CNTNAP2: variants seen among roughly 807,000 people sequenced by gnomAD.
CNTNAP2 encodes the protein contactin-associated protein-like 2.
In CNTNAP2, 98 loss-of-function variants were observed where a neutral mutation model predicts 155.2. That is an observed-to-expected ratio of 0.63 (90% CI 0.54 to 0.75). The LOEUF (loss-of-function observed/expected upper bound fraction) is 0.75, where lower values mean the gene tolerates loss of function less well. CNTNAP2 is among the 30% of genes least tolerant of loss of function. The pLI, the probability that CNTNAP2 is intolerant of heterozygous loss-of-function variation, is 0.00. For synonymous variants in CNTNAP2, 651 were observed against 631.2 expected (o/e 1.03, Z -0.47); for missense variants, 1,727 against 1,688.1 (o/e 1.02, Z -0.40).
intron 18 of CNTNAP2, among the ~76,000 whole-genome samples, chr7:148,173,826 CA>C (rs1165265908): frequency 6.6e-6 from 1 of 152,176 alleles, no homozygotes; most frequent in Non-Finnish European, 1.5e-5. Flanking sequence ...ATTTCCTTGC[CA>C]AAGTAATGTC....
chr7:148,294,000 A>T (rs112328740), intron 21 of CNTNAP2, among the ~76,000 whole-genome samples: 2,443 of 142,820 alleles, frequency 0.017, 64 homozygotes, highest in African/African-American at 0.059. Flanking sequence ...GCATTGCACC[A>T]CTGCATTCCA....
At chr7:147,267,912 A>C (rs1196396652) in intron 8 of CNTNAP2, among the ~76,000 whole-genome samples, 1 of 152,164 alleles carries the variant, frequency 6.6e-6, no homozygotes, top group Non-Finnish European at 1.5e-5. Flanking sequence ...ACCCAAGGGA[A>C]GTCTGGAGTA....
At position 147,928,658 on chromosome 7, in the gene CNTNAP2, C is replaced by T. The variant is rs552962278; in HGVS notation, c.2255+24937C>T. Among the ~76,000 whole-genome samples the T allele has an allele frequency of 3.3e-5, 5 of 152,236 alleles. 2 individuals carry two copies. The highest frequency in any genetic ancestry group is 2.1e-4 in the South Asian group (1 of 4,826). On this transcript the variant is annotated intron_variant, in intron 14 of 23. Coordinates refer to ENST00000361727, the MANE Select transcript of CNTNAP2 (RefSeq NM_014141.6). ...AAATGTAGGTCGTGTTTCCTGATGT[C>T]AGCAACATTCTAAGAGGCGGTCAGT...
At chr7:147,973,882 G>A (rs1801380455) in intron 14 of CNTNAP2, among the ~76,000 whole-genome samples, 1 of 152,108 alleles carries the variant, frequency 6.6e-6, no homozygotes, top group Admixed American at 6.5e-5. Context: ...TCAGTAAAAT[G>A]AGAATAATGT....
At chr7:147,035,129 G>A (rs954995583) in intron 3 of CNTNAP2, among the ~76,000 whole-genome samples, 3 of 152,094 alleles carry the variant, frequency 2.0e-5, no homozygotes, top group African/African-American at 4.8e-5. Flanking sequence ...CTACTATGAG[G>A]CACCCTATGG....
intron 11 of CNTNAP2, among the ~76,000 whole-genome samples, chr7:147,534,792 C>G (rs142706359): frequency 2.4e-3 from 367 of 152,316 alleles, no homozygotes; most frequent in Admixed American, 3.1e-3. Context: ...CTTAGCATTT[C>G]TATCCACTCG....
intron 11 of CNTNAP2, among the ~76,000 whole-genome samples, chr7:147,503,386 T>C (rs1798853198): frequency 6.6e-6 from 1 of 152,132 alleles, no homozygotes; most frequent in South Asian, 2.1e-4. Context: ...CTTGACAAAT[T>C]ACATCTGCAA....
intron 13 of CNTNAP2, among the ~76,000 whole-genome samples, chr7:147,664,083 T>C (rs1795658456): frequency 6.6e-6 from 1 of 152,222 alleles, no homozygotes; most frequent in Non-Finnish European, 1.5e-5. Context: ...TAGTGCATTA[T>C]TTTGTTATGG....
chr7:147,859,965 A>T (rs1197438787), intron 13 of CNTNAP2, among the ~76,000 whole-genome samples: 1 of 152,180 alleles, frequency 6.6e-6, no homozygotes, highest in Non-Finnish European at 1.5e-5. Flanking sequence ...GGTGGCTTTA[A>T]TATTTCGTAT....
intron 17 of CNTNAP2, among the ~76,000 whole-genome samples, chr7:148,149,000 C>A (rs1242076101): frequency 6.6e-6 from 1 of 152,064 alleles, no homozygotes; most frequent in Non-Finnish European, 1.5e-5. Context: ...TTGATCCCTG[C>A]TGAGCACAGT....
chr7:147,693,209 G>C (rs562685343), intron 13 of CNTNAP2, among the ~76,000 whole-genome samples: 9 of 152,108 alleles, frequency 5.9e-5, no homozygotes, highest in African/African-American at 2.2e-4. Context: ...TAATCTATTT[G>C]TCTAATCTTT....
intron 3 of CNTNAP2, among the ~76,000 whole-genome samples, chr7:146,928,982 C>T (rs531404310): frequency 6.6e-6 from 1 of 152,334 alleles, no homozygotes; most frequent in Admixed American, 6.5e-5. Context: ...GCCTGCCTGC[C>T]TCTGTAGGCT....
chr7:146,220,842 G>A (rs532220379), intron 1 of CNTNAP2, among the ~76,000 whole-genome samples: 1 of 152,276 alleles, frequency 6.6e-6, no homozygotes, highest in South Asian at 2.1e-4. Flanking sequence ...ACCTAGAATA[G>A]AAACACTTTG....
chr7:147,696,172 T>G (rs567274667), intron 13 of CNTNAP2, among the ~76,000 whole-genome samples: 1 of 152,328 alleles, frequency 6.6e-6, no homozygotes, highest in Non-Finnish European at 1.5e-5. Flanking sequence ...ACCATTGACA[T>G]TTAAGGTAAA....
At chr7:146,669,448 TA>T (rs1455674921) in intron 1 of CNTNAP2, among the ~76,000 whole-genome samples, 1 of 152,196 alleles carries the variant, frequency 6.6e-6, no homozygotes, top group African/African-American at 2.4e-5. Flanking sequence ...CATATTTATT[TA>T]AATATAACTT....
At chr7:148,097,650 T>C (rs768940143) in intron 15 of CNTNAP2, among the ~76,000 whole-genome samples, 3 of 152,096 alleles carry the variant, frequency 2.0e-5, no homozygotes, top group Non-Finnish European at 2.9e-5. Flanking sequence ...CTTCAACAAA[T>C]ATTACTGATG....
chr7:147,597,612 G>A (rs1331313084), intron 12 of CNTNAP2, among the ~76,000 whole-genome samples: 2 of 152,100 alleles, frequency 1.3e-5, no homozygotes, highest in African/African-American at 2.4e-5. Flanking sequence ...TTGAATGAAT[G>A]AATGAATGAA....
chr7:147,748,140 T>C (rs897630167), intron 13 of CNTNAP2, among the ~76,000 whole-genome samples: 5 of 152,238 alleles, frequency 3.3e-5, no homozygotes, highest in Non-Finnish European at 5.9e-5. Context: ...AGGATGGAGA[T>C]ATAAATGCAA....
chr7:146,227,060 CTT>C (rs1799304613), intron 1 of CNTNAP2, among the ~76,000 whole-genome samples: 2 of 151,952 alleles, frequency 1.3e-5, no homozygotes, highest in African/African-American at 4.8e-5. Context: ...TTAAGACACA[CTT>C]ATGTATAGAT....
Sources: gnomAD v4.1 joint callset for allele counts (sites outside exome capture counted in the v4.1 genomes callset) on GRCh38, gnomAD v4.1.1 for gene constraint, MANE v1.5 for transcripts, NCBI Gene and HGNC (gene_info 2026-07-23, HGNC 2026-07-21) for gene names.